KANSL1: variants seen among roughly 807,000 people sequenced by gnomAD.
KANSL1 encodes KAT8 regulatory NSL complex subunit 1.
Under a neutral mutation model 103.6 loss-of-function variants are expected in KANSL1, and 22 were observed. The observed-to-expected ratio is 0.21, with a 90% confidence interval of 0.15 to 0.30. The LOEUF is 0.30. Among genes scored for constraint, KANSL1 ranks in the 10% least tolerant of loss-of-function variants. The pLI is 1.00. For missense variants in KANSL1, 1,337 were observed against 1,399.8 expected (o/e 0.96, Z 0.72); for synonymous variants, 600 against 527.6 (o/e 1.14, Z -1.88).
At chr17:46,147,728 G>C (rs115095280) in intron 2 of KANSL1, among the ~76,000 whole-genome samples, 1,566 of 152,278 alleles carry the variant, frequency 0.01, 25 homozygotes, top group African/African-American at 0.034. Context: ...AAATGGGTCA[G>C]CATTGGAAGA....
At chr17:46,119,302 A>G (rs2043178843) in intron 2 of KANSL1, among the ~76,000 whole-genome samples, 1 of 147,604 alleles carries the variant, frequency 6.8e-6, no homozygotes, top group Non-Finnish European at 1.5e-5. Flanking sequence ...ATCTGGCTCC[A>G]GAGTCCTCAA....
At chr17:46,053,801 AC>A (rs2077815732) in intron 6 of KANSL1, among the ~76,000 whole-genome samples, 3 of 152,292 alleles carry the variant, frequency 2.0e-5, no homozygotes, top group Admixed American at 6.5e-5. Context: ...TTGAATTCAT[AC>A]CCATGTTGCA....
At chr17:46,176,838 A>G (rs964689676) in intron 1 of KANSL1, among the ~76,000 whole-genome samples, 5 of 152,104 alleles carry the variant, frequency 3.3e-5, no homozygotes, top group Admixed American at 3.3e-4. Flanking sequence ...GATACACAGC[A>G]TAGTGTAGTT....
At chr17:46,140,145 T>C (rs183547687) in intron 2 of KANSL1, among the ~76,000 whole-genome samples, 1 of 152,300 alleles carries the variant, frequency 6.6e-6, no homozygotes, top group East Asian at 1.9e-4. Context: ...TACATACATA[T>C]ATATTTTTGT....
intron 2 of KANSL1, 29 bp downstream of exon 2, chr17:46,170,826 G>A (rs775226350): frequency 1.9e-6 from 3 of 1,546,282 alleles, no homozygotes; most frequent in East Asian, 4.5e-5. Context: ...CATTTCTCAA[G>A]AATGCTATCA....
At chr17:46,176,619 C>T (rs188473914) in intron 1 of KANSL1, among the ~76,000 whole-genome samples, 47 of 151,642 alleles carry the variant, frequency 3.1e-4, no homozygotes, top group African/African-American at 9.9e-4. Flanking sequence ...TGAACCCAGG[C>T]AGCAGAGGTT....
At chr17:46,106,297 G>C (rs2042563414) in intron 2 of KANSL1, among the ~76,000 whole-genome samples, 2 of 152,212 alleles carry the variant, frequency 1.3e-5, no homozygotes, top group South Asian at 4.1e-4. Context: ...ACTTTAGTAA[G>C]TCTAAGAATT....
chr17:46,160,382 C>T (rs2045668064), intron 2 of KANSL1, among the ~76,000 whole-genome samples: 1 of 152,208 alleles, frequency 6.6e-6, no homozygotes, highest in South Asian at 2.1e-4. Context: ...ACTGCAACCT[C>T]TACCTCCCAG....
chr17:46,144,291 T>C (rs1472552892), intron 2 of KANSL1, among the ~76,000 whole-genome samples: 1 of 152,242 alleles, frequency 6.6e-6, no homozygotes, highest in Non-Finnish European at 1.5e-5. Flanking sequence ...AAATGTTTGT[T>C]GAATGAACGC....
intron 7 of KANSL1, chr17:46,050,326 C>T: frequency 1.7e-6 from 1 of 582,726 alleles, no homozygotes; most frequent in Non-Finnish European, 3.0e-6. Flanking sequence ...AGAAGGAAAT[C>T]TCATATTAAG....
intron 2 of KANSL1, among the ~76,000 whole-genome samples, chr17:46,162,290 T>G (rs1263378884): frequency 6.6e-6 from 1 of 152,242 alleles, no homozygotes; most frequent in Non-Finnish European, 1.5e-5. Context: ...GGTCCATGTT[T>G]AGGGAGGTGG....
chr17:46,074,796 TAA>T (rs1568418875), intron 4 of KANSL1, among the ~76,000 whole-genome samples: 25 of 134,808 alleles, frequency 1.9e-4, no homozygotes, highest in African/African-American at 5.8e-4. Flanking sequence ...AATAAATAAA[TAA>T]ATAAATAAAT....
At chr17:46,202,808 T>G (rs2047846635) in intron 1 of KANSL1, among the ~76,000 whole-genome samples, 1 of 152,272 alleles carries the variant, frequency 6.6e-6, no homozygotes, top group Non-Finnish European at 1.5e-5. Flanking sequence ...TTCCACCATA[T>G]TCCAAATTCT....
Position 46,177,375 on chromosome 17 carries a change from G to A in KANSL1, c.-89-5143C>T, listed in dbSNP as rs2046571490. Among the ~76,000 whole-genome samples, 3 of 152,316 alleles carry A rather than the reference G, an allele frequency of 2.0e-5. No homozygotes were observed. The South Asian group carries it at 6.2e-4, about 32-fold the overall frequency. ...TGCCATAAACCACCACCTAAGTTTA[G>A]TACTTTAATCTTTTCCCTGTTATGT... On this transcript the variant is annotated intron_variant, in intron 1 of 14. Transcript: ENST00000432791.
At chr17:46,035,913 G>GTC (rs1169311252) in intron 10 of KANSL1, 1 of 151,860 alleles carries the variant, frequency 6.6e-6, no homozygotes, top group Non-Finnish European at 1.5e-5. Flanking sequence ...TACTCATTAG[G>GTC]TCTAAATTAA....
chr17:46,167,506 T>C (rs1343640141), intron 2 of KANSL1, among the ~76,000 whole-genome samples: 1 of 152,242 alleles, frequency 6.6e-6, no homozygotes. Context: ...ATATCATTGT[T>C]TAGTGACATC....
At position 46,172,079 on chromosome 17, in the gene KANSL1, A is replaced by G. The variant is rs1169822141; in HGVS notation, c.65T>C (p.Leu22Pro). The part of the protein sequence containing the change: ...AAEAHHIRFK[L>P]APPSSTLSPG... ...GGACAAGGTAGAGGATGGGGGAGCC[A>G]GTTTGAACCGGATATGGTGTGCTTC... Residue 22 changes from leucine (L) to proline (P), a missense_variant, in exon 2 of 15, where the codon CTG becomes CCG. This residue lies in a region of KANSL1 where 557 missense variants were observed against 476.4 expected (regional missense o/e 1.17). Coordinates refer to ENST00000432791, the MANE Select transcript of KANSL1 (RefSeq NM_015443.4). 3.7e-6 allele frequency: 6 copies of G among 1,613,466 alleles called. No homozygotes were observed. The Admixed American group carries it at 1.0e-4, about 27-fold the overall frequency.
intron 4 of KANSL1, among the ~76,000 whole-genome samples, chr17:46,082,110 T>C (rs932397113): frequency 6.6e-6 from 1 of 152,068 alleles, no homozygotes; most frequent in Non-Finnish European, 1.5e-5. Flanking sequence ...TATATTAGAG[T>C]GGCCCAGAAA....
chr17:46,204,175 GGCC>G (rs1361287974), intron 1 of KANSL1, among the ~76,000 whole-genome samples: 2 of 152,162 alleles, frequency 1.3e-5, no homozygotes, highest in Non-Finnish European at 2.9e-5. Context: ...TAAACAAAAA[GGCC>G]GGGTGTGGTG....
Sources: gnomAD v4.1 joint callset for allele counts (sites outside exome capture counted in the v4.1 genomes callset) on GRCh38, gnomAD v4.1.1 for gene constraint, gnomAD v4.1.1 regional missense constraint, MANE v1.5 for transcripts, NCBI Gene and HGNC (gene_info 2026-07-23, HGNC 2026-07-21) for gene names.